The following GPR141 variants were observed in gnomAD, a reference collection of about 807,000 sequenced individuals.
GPR141 encodes probable G protein-coupled receptor 141.
In GPR141, 6 loss-of-function variants were observed where a neutral mutation model predicts 6.8. The observed-to-expected ratio is 0.88, with a 90% confidence interval of 0.48 to 1.74. The LOEUF (loss-of-function observed/expected upper bound fraction) is 1.74, where lower values mean the gene tolerates loss of function less well. Among genes scored for constraint, GPR141 ranks in the 40% most tolerant of loss-of-function variants. GPR141 has a pLI of 0.01. For synonymous variants in GPR141, 140 were observed against 142.3 expected, an observed-to-expected ratio of 0.98 and a Z score of 0.11; for missense variants, 372 against 372.9, an observed-to-expected ratio of 1.00 and a Z score of 0.02.
intron 2 of GPR141, among the ~76,000 whole-genome samples, chr7:37,714,721 T>C (rs2131798201): frequency 6.6e-6 from 1 of 152,342 alleles, no homozygotes; most frequent in East Asian, 1.9e-4. Context: ...AAAGATATGG[T>C]CCAAAAACAT....
At chr7:37,723,402 A>T (rs1209823098) in intron 2 of GPR141, among the ~76,000 whole-genome samples, 1 of 151,972 alleles carries the variant, frequency 6.6e-6, no homozygotes, top group Non-Finnish European at 1.5e-5. Flanking sequence ...ATAAAACCCT[A>T]GAAGTTACTA....
At chr7:37,703,081 T>C (rs962838735) in intron 2 of GPR141, among the ~76,000 whole-genome samples, 1 of 152,158 alleles carries the variant, frequency 6.6e-6, no homozygotes, top group Non-Finnish European at 1.5e-5. Flanking sequence ...GTATTATCTT[T>C]CAATTTTCAT....
intron 2 of GPR141, among the ~76,000 whole-genome samples, chr7:37,733,839 A>AT (rs1812105260): frequency 1.3e-5 from 2 of 152,140 alleles, no homozygotes; most frequent in African/African-American, 4.8e-5. Context: ...TTCCTAGAAG[A>AT]TTTTTTCCAC....
intron 2 of GPR141, among the ~76,000 whole-genome samples, chr7:37,706,904 C>G (rs935101326): frequency 2.0e-5 from 3 of 152,112 alleles, no homozygotes; most frequent in Admixed American, 6.5e-5. Context: ...AAGAACTGCC[C>G]CTTCTTGAGA....
intron 2 of GPR141, among the ~76,000 whole-genome samples, chr7:37,691,121 A>G (rs562805563): frequency 6.1e-4 from 93 of 152,156 alleles, no homozygotes; most frequent in African/African-American, 2.1e-3. Context: ...CTGTATAAGT[A>G]TAGTTACTCC....
intron 2 of GPR141, among the ~76,000 whole-genome samples, chr7:37,724,443 A>G (rs767164021): frequency 5.3e-5 from 8 of 152,218 alleles, no homozygotes; most frequent in South Asian, 2.1e-4. Context: ...ACTTAGGCAT[A>G]TAACCTTCTG....
chr7:37,725,381 A>G (rs536488779), intron 2 of GPR141, among the ~76,000 whole-genome samples: 11 of 152,224 alleles, frequency 7.2e-5, no homozygotes, highest in Admixed American at 1.3e-4. Flanking sequence ...CGGCCACATC[A>G]GAGGGACCAG....
chr7:37,721,016 A>G (rs1486543896), intron 2 of GPR141, among the ~76,000 whole-genome samples: 1 of 152,202 alleles, frequency 6.6e-6, no homozygotes, highest in African/African-American at 2.4e-5. Context: ...ACAAGGACCA[A>G]TTGTCTAGGG....
intron 2 of GPR141, chr7:37,713,652 A>G (rs1278493294): frequency 6.6e-6 from 1 of 152,164 alleles, no homozygotes; most frequent in Non-Finnish European, 1.5e-5. Flanking sequence ...CTCAGACTCT[A>G]TATCTGCAAT....
intron 2 of GPR141, among the ~76,000 whole-genome samples, chr7:37,714,268 TTTCTC>T (rs1810947853): frequency 6.6e-6 from 1 of 152,200 alleles, no homozygotes; most frequent in African/African-American, 2.4e-5. Flanking sequence ...TCTGTATATT[TTTCTC>T]TTCTCTTATT....
intron 2 of GPR141, among the ~76,000 whole-genome samples, chr7:37,708,310 CAAAAAAAAAAAA>C (rs66783277): frequency 3.3e-5 from 2 of 59,798 alleles, no homozygotes; most frequent in African/African-American, 1.4e-4. Flanking sequence ...AAATTGCTGG[CAAAAAAAAAAAA>C]AAAAAAAAAA....
chr7:37,686,901 G>T (rs563989659), intron 2 of GPR141, among the ~76,000 whole-genome samples: 1 of 152,266 alleles, frequency 6.6e-6, no homozygotes, highest in Non-Finnish European at 1.5e-5. Context: ...CCTACTCTCT[G>T]GGATGGCGTG....
At chr7:37,711,376 C>T (rs1192335722) in intron 2 of GPR141, among the ~76,000 whole-genome samples, 1 of 152,096 alleles carries the variant, frequency 6.6e-6, no homozygotes, top group Non-Finnish European at 1.5e-5. Flanking sequence ...TTGGCTACAG[C>T]CCTGCTAAAG....
intron 2 of GPR141, among the ~76,000 whole-genome samples, chr7:37,687,194 A>G (rs1809548769): frequency 6.6e-6 from 1 of 152,116 alleles, no homozygotes; most frequent in Non-Finnish European, 1.5e-5. Context: ...ATAACTTGTG[A>G]TCAATCAAAT....
rs186049270 is a variant in GPR141 at position 37,714,465 on chromosome 7, G to A, written c.-14-25915G>A. Among the ~76,000 whole-genome samples the A allele has an allele frequency of 5.5e-4, 83 of 152,286 alleles. No homozygotes were observed. The East Asian group carries it at 0.013, about 23-fold the overall frequency. The stretch of plus-strand genomic sequence containing the variant: ...AATAACATAGAAATAAGATGGCAGA[G>A]GATAGTTACTATGCAGCCATACGGC... On this transcript the variant is annotated intron_variant, in intron 2 of 2. Transcript: ENST00000334425.
chr7:37,684,291 C>G (rs1011131580), intron 1 of GPR141, among the ~76,000 whole-genome samples: 1 of 152,162 alleles, frequency 6.6e-6, no homozygotes, highest in Non-Finnish European at 1.5e-5. Flanking sequence ...TCCTTTAACT[C>G]TATTACTGCA....
At chr7:37,701,512 T>C (rs1810277085) in intron 2 of GPR141, among the ~76,000 whole-genome samples, 2 of 152,336 alleles carry the variant, frequency 1.3e-5, no homozygotes, top group South Asian at 4.1e-4. Context: ...CCAGTAAAAT[T>C]TGAATTTCAG....
In GPR141 at chr7:37,702,780, ATAAAAAAT is replaced by A. The variant is rs1469124468; in HGVS notation, c.-15+17203_-15+17210del. 2.1e-5 allele frequency among the ~76,000 whole-genome samples: 3 copies of A among 142,576 alleles called. No individual in the cohort carries two copies. In the East Asian group the frequency reaches 6.1e-4, roughly 29 times the overall value. 93.5% of individuals were successfully genotyped at this position (142,576 alleles called of 152,430 possible). A position where few individuals can be genotyped will look rare whatever the true frequency, so the allele number is the denominator to read the frequency against. On this transcript the variant is annotated intron_variant, in intron 2 of 2. Coordinates refer to ENST00000334425, the MANE Select transcript of GPR141 (RefSeq NM_001381946.1). The stretch of plus-strand genomic sequence containing the variant: ...TAAATAAAAATAAAAAAATAAAAAA[ATAAAAAAT>A]TAAAACCCAGTTCAATTCAAAAAAA...
chr7:37,722,923 TTTCCTTCCTTCCTTCCTTCCTTCC>T (rs796368390), intron 2 of GPR141, among the ~76,000 whole-genome samples: 51 of 112,238 alleles, frequency 4.5e-4, no homozygotes, highest in African/African-American at 1.1e-3. Flanking sequence ...TTCTTTTTCC[TTTCCTTCCTTCCTTCCTTCCTTCC>T]TTCCTTCCTT....
Sources: allele counts gnomAD v4.1 joint callset (sites outside exome capture counted in the v4.1 genomes callset), GRCh38; gene constraint gnomAD v4.1.1; transcripts MANE v1.5; gene names NCBI Gene and HGNC (gene_info 2026-07-23, HGNC 2026-07-21).